HACL1: variants seen among roughly 807,000 people sequenced by gnomAD.
HACL1 encodes the protein 2-hydroxyacyl-CoA lyase 1.
In HACL1, 64 loss-of-function variants were observed where a neutral mutation model predicts 74.2. That is an observed-to-expected ratio of 0.86 (90% CI 0.70 to 1.06). The LOEUF (loss-of-function observed/expected upper bound fraction) is 1.06. HACL1 is among the 50% of genes least tolerant of loss of function. HACL1 has a pLI of 0.00. For missense variants in HACL1, 728 were observed against 719.7 expected (o/e 1.01, Z -0.13); for synonymous variants, 230 against 238.8 (o/e 0.96, Z 0.34).
In HACL1 at chr3:15,601,513, T is replaced by A; in HGVS notation, c.-50A>T. The A allele has an allele frequency of 6.2e-7, 1 of 1,609,332 alleles. No homozygotes were observed. Among genetic ancestry groups the A allele is most frequent in the Non-Finnish European group, 8.5e-7 (1 of 1,179,994 alleles). On this transcript the variant is annotated 5_prime_UTR_variant, in exon 1 of 17. Transcript: ENST00000321169. ...TCACGCAGCCGGCAAACAAGCGGAA[T>A]CATCCAGCAAGGCAAACGCGAAATC...
At chr3:15,583,139 ATT>A (rs2063740860) in intron 7 of HACL1, 150 bp from the exon 8 acceptor site, 2 of 543,160 alleles carry the variant, frequency 3.7e-6, no homozygotes, top group Admixed American at 3.6e-5. Flanking sequence ...ATTTTACCAC[ATT>A]TGTTTCATAT....
chr3:15,565,166 GA>G (rs992716736), intron 14 of HACL1, among the ~76,000 whole-genome samples: 353 of 123,544 alleles, frequency 2.9e-3, no homozygotes, highest in African/African-American at 5.7e-3. Context: ...CTCCATCTCA[GA>G]AAAAAAAAAA....
chr3:15,592,212 G>T (rs2063929530), intron 3 of HACL1, among the ~76,000 whole-genome samples: 1 of 149,092 alleles, frequency 6.7e-6, no homozygotes, highest in African/African-American at 2.5e-5. Context: ...ATACATGCGT[G>T]TATATATGTA....
intron 9 of HACL1, among the ~76,000 whole-genome samples, chr3:15,579,262 A>G (rs1001674036): frequency 1.3e-5 from 2 of 152,250 alleles, no homozygotes; most frequent in Admixed American, 6.5e-5. Context: ...AACTCTCAAA[A>G]GAAAAGATAA....
chr3:15,587,427 T>C (rs2063815055), intron 5 of HACL1, among the ~76,000 whole-genome samples: 1 of 142,900 alleles, frequency 7.0e-6, no homozygotes, highest in Admixed American at 7.0e-5. Context: ...AAGCTGATAG[T>C]CCCACAGGCA....
At position 15,573,244 on chromosome 3, in the gene HACL1, T is replaced by TA. The variant is rs753154338; in HGVS notation, c.910-3dup. The stretch of plus-strand genomic sequence containing the variant: ...CAATTCTTCTGCACAGATATCAACC[T>TA]AAAAAAGAGACAAGGCTAAAGAACA... On this transcript the variant is annotated splice_region_variant and splice_polypyrimidine_tract_variant and intron_variant, in intron 10 of 16. Coordinates refer to ENST00000321169, the MANE Select transcript of HACL1 (RefSeq NM_012260.4). 9.5e-6 allele frequency: 15 copies of TA among 1,582,886 alleles called. No homozygotes were observed. The East Asian group carries it at 3.4e-4, about 36-fold the overall frequency.
chr3:15,569,881 T>C (rs1255346653), intron 12 of HACL1, among the ~76,000 whole-genome samples: 2 of 150,922 alleles, frequency 1.3e-5, no homozygotes, highest in Non-Finnish European at 2.9e-5. Context: ...TCCCAGCTAC[T>C]CGGGAGGCTG....
At position 15,571,829 on chromosome 3, in the gene HACL1, C is replaced by CTTTTTT. The variant is rs869072841; in HGVS notation, c.994-66_994-61dup. 2.1e-4 allele frequency: 48 copies of CTTTTTT among 226,176 alleles called. 1 individual carries two copies. The highest frequency in any genetic ancestry group is 6.3e-4 in the East Asian group (3 of 4,758). The allele number at this position is 226,176 out of a possible 1,614,324, so 14.0% of individuals were successfully genotyped here. On this transcript the variant is annotated intron_variant, in intron 11 of 16. Transcript: ENST00000321169. ...TAAACTTTTTCTTTGCCTTTTTTTT[C>CTTTTTT]TTTTTTTTTTTTTTTTTTTTTTTTT...
chr3:15,576,654 G>A (rs577617265), intron 9 of HACL1, among the ~76,000 whole-genome samples: 1 of 152,146 alleles, frequency 6.6e-6, no homozygotes, highest in African/African-American at 2.4e-5. Flanking sequence ...CCTTTTTCCA[G>A]GAGAGTTTAT....
At chr3:15,567,204 GCCTTT>G (rs2063450136) in intron 14 of HACL1, among the ~76,000 whole-genome samples, 1 of 116,248 alleles carries the variant, frequency 8.6e-6, no homozygotes, top group African/African-American at 3.2e-5. Context: ...AAGCCATGCT[GCCTTT>G]TTTTTTTTTT....
At chr3:15,581,252 C>G (rs1466411485) in intron 8 of HACL1, among the ~76,000 whole-genome samples, 1 of 152,218 alleles carries the variant, frequency 6.6e-6, no homozygotes, top group Non-Finnish European at 1.5e-5. Context: ...ACCCTCTGCC[C>G]TATTCCCTTG....
chr3:15,587,729 T>C (rs556690633), intron 5 of HACL1, among the ~76,000 whole-genome samples: 2 of 152,350 alleles, frequency 1.3e-5, no homozygotes, highest in South Asian at 4.1e-4. Flanking sequence ...TCGTCTACTA[T>C]TAACTAAATA....
intron 8 of HACL1, among the ~76,000 whole-genome samples, chr3:15,581,625 C>T (rs2063717090): frequency 6.6e-6 from 1 of 152,182 alleles, no homozygotes; most frequent in Non-Finnish European, 1.5e-5. Context: ...TCTGCTTTTT[C>T]AAGATGCAGC....
In HACL1 at chr3:15,570,321, G is replaced by A. The variant is rs184414858; in HGVS notation, c.1095+1347C>T. Among the ~76,000 whole-genome samples, 258 of 149,812 alleles carry A rather than the reference G, an allele frequency of 1.7e-3. 2 individuals are homozygous for A. The highest frequency in any genetic ancestry group is 3.4e-3 in the Non-Finnish European group (227 of 67,574). ...TTGCACTCCAGCCCTCTAGCCTGGC[G>A]ACAGAGTGAGACTCTGTCCCCAAAA... On this transcript the variant is annotated intron_variant, in intron 12 of 16. Transcript: ENST00000321169.
In HACL1 at chr3:15,582,879, T is replaced by A. The variant is rs546463928; in HGVS notation, c.665A>T (p.Lys222Ile). Reference protein sequence around the residue: ...NAKQPLLIIGKGAAYAHAEES... With the variant: ...NAKQPLLIIGIGAAYAHAEES... ...ATTTAGAGTTCTATTCATGCTACCT[T>A]TCCCGATGATAAGAAGGGGTTGTTT... Residue 222 changes from lysine to isoleucine, a missense_variant and splice_region_variant, in exon 8 of 17, where the codon AAA becomes ATA. Physicochemically the swap from Lys to Ile is moderately radical, Grantham distance 102. Coordinates refer to ENST00000321169, the MANE Select transcript of HACL1 (RefSeq NM_012260.4). The A allele has an allele frequency of 7.2e-6, 11 of 1,527,766 alleles. No homozygotes were observed. In the South Asian group the frequency reaches 1.1e-4, roughly 16 times the overall value. The allele number at this position is 1,527,766 out of a possible 1,614,324, so 94.6% of individuals were successfully genotyped here.
At chr3:15,571,820 CTTTTTTTTCTTT>C (rs2063536968) in intron 11 of HACL1, 51 bp from the exon 12 acceptor site, 1 of 307,072 alleles carries the variant, frequency 3.3e-6, no homozygotes, top group Non-Finnish European at 5.5e-6. Context: ...TTTTCTTTGC[CTTTTTTTTCTTT>C]TTTTTTTTTT....
chr3:15,589,492 G>C (rs2063852688), intron 5 of HACL1, 48 bp downstream of exon 5: 1 of 1,193,414 alleles, frequency 8.4e-7, no homozygotes, highest in Non-Finnish European at 1.2e-6. Flanking sequence ...GCAAGATCCT[G>C]TTTCAAAAAT....
chr3:15,581,661 C>A (rs572609583), intron 8 of HACL1, among the ~76,000 whole-genome samples: 7 of 152,288 alleles, frequency 4.6e-5, no homozygotes, highest in African/African-American at 1.7e-4. Context: ...TCTGGATAGT[C>A]CTTCCATACT....
intron 5 of HACL1, among the ~76,000 whole-genome samples, chr3:15,587,465 T>C (rs2063815594): frequency 7.0e-6 from 1 of 142,826 alleles, no homozygotes; most frequent in African/African-American, 2.6e-5. Context: ...CCCTCCGATT[T>C]TCAGTCTATG....
Sources: allele counts gnomAD v4.1 joint callset (sites outside exome capture counted in the v4.1 genomes callset), GRCh38; gene constraint gnomAD v4.1.1; transcripts MANE v1.5; gene names NCBI Gene and HGNC (gene_info 2026-07-23, HGNC 2026-07-21).